Variants in MGLL observed in about 807,000 individuals in gnomAD.
The protein encoded by MGLL is lysophospholipase homolog.
A neutral mutation model predicts 29.1 loss-of-function variants in MGLL; 7 were observed. The observed-to-expected ratio is 0.24, with a 90% CI of 0.14 to 0.45. The LOEUF is 0.45. Ranked by LOEUF, MGLL falls within the 20% of genes least tolerant of loss-of-function variation. The pLI is 0.99. For synonymous variants in MGLL, 148 were observed against 168.3 expected, an observed-to-expected ratio of 0.88 and a Z score of 0.93; for missense variants, 356 against 413.6, an observed-to-expected ratio of 0.86 and a Z score of 1.21.
chr3:127,757,508 G>C (rs1331904664), intron 3 of MGLL, among the ~76,000 whole-genome samples: 3 of 152,062 alleles, frequency 2.0e-5, no homozygotes. Context: ...ATGGCTTTTG[G>C]CTTCAAGAAA....
chr3:127,725,542 T>A (rs2076014380), intron 3 of MGLL, among the ~76,000 whole-genome samples: 1 of 152,122 alleles, frequency 6.6e-6, no homozygotes, highest in Non-Finnish European at 1.5e-5. Context: ...ACACAACAGA[T>A]CCTGCTCTGT....
intron 2 of MGLL, among the ~76,000 whole-genome samples, chr3:127,794,325 A>G (rs1439357474): frequency 6.6e-6 from 1 of 152,038 alleles, no homozygotes; most frequent in Non-Finnish European, 1.5e-5. Context: ...TGCTCCTGTA[A>G]TCCCAGCTAC....
intron 3 of MGLL, among the ~76,000 whole-genome samples, chr3:127,741,001 C>T (rs1040064864): frequency 2.6e-5 from 4 of 152,218 alleles, no homozygotes; most frequent in South Asian, 2.1e-4. Flanking sequence ...CTGCTCCCCA[C>T]GGCTACCCCC....
At chr3:127,801,698 T>C (rs2077482198) in intron 2 of MGLL, among the ~76,000 whole-genome samples, 1 of 151,764 alleles carries the variant, frequency 6.6e-6, no homozygotes, top group African/African-American at 2.4e-5. Flanking sequence ...TCTGGAGTAG[T>C]CCCTAAAGTA....
intron 3 of MGLL, among the ~76,000 whole-genome samples, chr3:127,746,657 C>G (rs2107662680): frequency 6.6e-6 from 1 of 152,240 alleles, no homozygotes; most frequent in East Asian, 1.9e-4. Flanking sequence ...ACTGCAGGTT[C>G]ACATTCCACT....
intron 3 of MGLL, among the ~76,000 whole-genome samples, chr3:127,748,076 C>A (rs978806269): frequency 6.6e-6 from 1 of 152,146 alleles, no homozygotes; most frequent in Non-Finnish European, 1.5e-5. Context: ...GCAAGAGACT[C>A]GGAGCATTCT....
At chr3:127,810,819 T>A (rs2077649452) in intron 2 of MGLL, among the ~76,000 whole-genome samples, 1 of 152,218 alleles carries the variant, frequency 6.6e-6, no homozygotes, top group Non-Finnish European at 1.5e-5. Flanking sequence ...TTAATACCTG[T>A]TGAACCATTC....
At position 127,815,633 on chromosome 3, in the gene MGLL, C is replaced by A. The variant is rs372594951; in HGVS notation, c.155+6061G>T. Among the ~76,000 whole-genome samples the A allele has an allele frequency of 6.4e-4, 97 of 152,340 alleles. 1 individual carries two copies. In the South Asian group the frequency reaches 0.015, roughly 24 times the overall value. On this transcript the variant is annotated intron_variant, in intron 2 of 7. Coordinates refer to ENST00000265052, the MANE Select transcript of MGLL (RefSeq NM_007283.7). Reference sequence around the variant, plus strand: ...GCTTTTGTGTTTGGGTCCTCTCCCCCACGTGCCCTTTCCGAGGGTGGAACA... The same window carrying A: ...GCTTTTGTGTTTGGGTCCTCTCCCCAACGTGCCCTTTCCGAGGGTGGAACA...
At chr3:127,768,399 A>G (rs2076893714) in intron 3 of MGLL, among the ~76,000 whole-genome samples, 1 of 152,182 alleles carries the variant, frequency 6.6e-6, no homozygotes, top group African/African-American at 2.4e-5. Flanking sequence ...CCAGGATTTG[A>G]GCCCATAGCT....
At chr3:127,724,664 GATGC>G (rs2075997725) in intron 3 of MGLL, among the ~76,000 whole-genome samples, 1 of 152,106 alleles carries the variant, frequency 6.6e-6, no homozygotes, top group South Asian at 2.1e-4. Context: ...CATCTCTCTG[GATGC>G]AGCCGCTGCT....
chr3:127,765,797 T>C (rs1371841822), intron 3 of MGLL, among the ~76,000 whole-genome samples: 1 of 152,148 alleles, frequency 6.6e-6, no homozygotes, highest in Non-Finnish European at 1.5e-5. Flanking sequence ...ATGGGAAGCA[T>C]GAACAACTTT....
At chr3:127,815,781 C>G (rs1055529282) in intron 2 of MGLL, among the ~76,000 whole-genome samples, 1 of 152,226 alleles carries the variant, frequency 6.6e-6, no homozygotes, top group Non-Finnish European at 1.5e-5. Flanking sequence ...AAAGGCTCTG[C>G]GTGGCATAGC....
intron 2 of MGLL, among the ~76,000 whole-genome samples, chr3:127,797,164 T>C (rs1394827542): frequency 1.3e-5 from 2 of 152,090 alleles, no homozygotes; most frequent in East Asian, 3.9e-4. Context: ...CTGTTGGCTG[T>C]GTGACCGCAT....
At chr3:127,808,505 T>C (rs556169387) in intron 2 of MGLL, among the ~76,000 whole-genome samples, 2 of 152,182 alleles carry the variant, frequency 1.3e-5, no homozygotes, top group South Asian at 2.1e-4. Flanking sequence ...AACCAATCAC[T>C]GTAGCTGGGG....
rs1401270493 is a variant in MGLL, at chr3:127,781,795, C to T, written c.256G>A (p.Asp86Asn). 1.9e-6 allele frequency: 3 copies of T among 1,614,076 alleles called. No homozygotes were observed. Among genetic ancestry groups the T allele is most frequent in the Admixed American group, 1.7e-5 (1 of 60,034 alleles). ...GGCACCCTGGGACACTCACCATGGT[C>T]GTGGGCGAACACCAGCAGGTCCAGC... ...MGLDLLVFAH[D>N]HVGHGQSEGE... The change falls in exon 3 of 8, where the codon GAC becomes AAC. Residue 86 changes from aspartate to asparagine, a missense_variant. Transcript: ENST00000265052.
chr3:127,694,309 GTATGTGTGTATATATATATGTGTATA>G (rs2075309459), intron 7 of MGLL, among the ~76,000 whole-genome samples: 1 of 104,702 alleles, frequency 9.6e-6, no homozygotes, highest in Non-Finnish European at 2.0e-5. Flanking sequence ...ATATATATAT[GTATGTGTGTATATATATATGTGTATA>G]TATATGTATG....
At chr3:127,747,485 A>G (rs1182603868) in intron 3 of MGLL, among the ~76,000 whole-genome samples, 1 of 152,124 alleles carries the variant, frequency 6.6e-6, no homozygotes, top group African/African-American at 2.4e-5. Flanking sequence ...GTGTCTTTGT[A>G]TCTCCAGCAC....
At chr3:127,782,679 T>G (rs111493352) in intron 2 of MGLL, among the ~76,000 whole-genome samples, 6 of 151,846 alleles carry the variant, frequency 4.0e-5, no homozygotes, top group Admixed American at 2.6e-4. Context: ...AGAGCTAGAG[T>G]CTCCTTCAGG....
intron 3 of MGLL, among the ~76,000 whole-genome samples, chr3:127,773,326 T>C (rs1442747416): frequency 6.6e-6 from 1 of 152,254 alleles, no homozygotes; most frequent in Non-Finnish European, 1.5e-5. Context: ...CCATGCCACC[T>C]TGGGCAGGCG....
Sources: allele counts gnomAD v4.1 joint callset (sites outside exome capture counted in the v4.1 genomes callset), GRCh38; gene constraint gnomAD v4.1.1; transcripts MANE v1.5; gene names NCBI Gene and HGNC (gene_info 2026-07-23, HGNC 2026-07-21).